SNX11: variants seen among roughly 807,000 people sequenced by gnomAD.
SNX11 encodes sorting nexin 11, also known as sorting nexin-11.
In SNX11, 19 loss-of-function variants were observed where a neutral mutation model predicts 30.7. The observed-to-expected ratio is 0.62, with a 90% confidence interval of 0.43 to 0.91. The LOEUF (loss-of-function observed/expected upper bound fraction) is 0.91, where lower values mean the gene tolerates loss of function less well. Ranked by LOEUF, SNX11 falls within the 40% of genes least tolerant of loss-of-function variation. SNX11 has a pLI of 0.00. For missense variants in SNX11, 302 were observed against 326.7 expected (o/e 0.92, Z 0.58); for synonymous variants, 112 against 119.0 (o/e 0.94, Z 0.38).
chr17:48,112,912 T>A (rs1029438990), intron 3 of SNX11: 4 of 275,782 alleles, frequency 1.5e-5, no homozygotes, highest in Non-Finnish European at 2.8e-5. Flanking sequence ...GAATATATAT[T>A]TTTTTAGTAG....
In SNX11 at chr17:48,119,134, C is replaced by A; in HGVS notation, c.487C>A (p.Gln163Lys). ...TGCTATGTCAAACTGTGGCTGGGCC[C>A]AGGAAGAGAGGCAGAGCTCTTCTCA... ...RYAMSNCGWAQEERQSSSHLA... is the reference protein window; with the variant it reads ...RYAMSNCGWAKEERQSSSHLA... The change falls in exon 6 of 7, where the codon CAG becomes AAG. Residue 163 changes from glutamine to lysine, a missense_variant. Physicochemically the swap from Gln to Lys is moderately conservative, Grantham distance 53. Transcript: ENST00000359238. The A allele has an allele frequency of 6.2e-7, 1 of 1,614,062 alleles. No homozygotes were observed. The highest frequency in any genetic ancestry group is 8.5e-7 in the Non-Finnish European group (1 of 1,180,010).
At chr17:48,118,925 C>A (rs202007095) in intron 5 of SNX11, 49 bp from the exon 6 acceptor site, 2 of 1,584,560 alleles carry the variant, frequency 1.3e-6, no homozygotes, top group Non-Finnish European at 1.7e-6. Flanking sequence ...GAATGGAGAG[C>A]AGTTCCTCAG....
intron 2 of SNX11, 179 bp from the exon 3 acceptor site, chr17:48,112,395 G>A: frequency 1.5e-6 from 1 of 665,208 alleles, no homozygotes; most frequent in Non-Finnish European, 2.7e-6. Context: ...ACGTAGTGGG[G>A]CTCAGTAAAA....
Position 48,123,247 on chromosome 17 carries a change from A to G in SNX11, c.*1739A>G, listed in dbSNP as rs2063616110. On this transcript the variant is annotated 3_prime_UTR_variant, in exon 7 of 7. Transcript: ENST00000359238. ...CATGTGCAACCCTCACAAAAACCCG[A>G]CAGATGCTAAGCTAATGGCATCCGC... Among the ~76,000 whole-genome samples the G allele has an allele frequency of 6.6e-6, 1 of 152,168 alleles. No individual in the cohort carries two copies. Among genetic ancestry groups the G allele is most frequent in the Non-Finnish European group, 1.5e-5 (1 of 68,030 alleles).
At chr17:48,112,327 G>T in intron 2 of SNX11, 1 of 626,464 alleles carries the variant, frequency 1.6e-6, no homozygotes, top group African/African-American at 1.8e-5. Context: ...CTTCATGGGG[G>T]CAGGCACTTA....
At chr17:48,120,178 T>C (rs2063583878) in intron 6 of SNX11, among the ~76,000 whole-genome samples, 1 of 151,866 alleles carries the variant, frequency 6.6e-6, no homozygotes, top group African/African-American at 2.4e-5. Context: ...ACATTTTGTT[T>C]ATCCATTCAC....
At chr17:48,111,916 G>A (rs2063496365) in intron 1 of SNX11, 115 bp from the exon 2 acceptor site, 1 of 758,376 alleles carries the variant, frequency 1.3e-6, no homozygotes, top group African/African-American at 1.8e-5. Context: ...AACAAAAAGT[G>A]TTGCCTGGGT....
rs368194150 is a variant in SNX11 at position 48,113,297 on chromosome 17, A to G, written c.130-4A>G. On this transcript the variant is annotated splice_region_variant and splice_polypyrimidine_tract_variant and intron_variant, in intron 3 of 6. Coordinates refer to ENST00000359238, the MANE Select transcript of SNX11 (RefSeq NM_013323.3). ...TCATGTACTTCATGTGCTTTCATGT[A>G]TAGACCAACAGCAAAGCCTTTACTG... is the stretch of plus-strand genomic sequence containing the variant. 11 of 1,611,818 alleles carry G rather than the reference A, an allele frequency of 6.8e-6. No homozygotes were observed. In the African/African-American group the frequency reaches 1.3e-4, roughly 20 times the overall value.
rs2063615999 is a variant in SNX11 at position 48,123,234 on chromosome 17, T to G, written c.*1726T>G. ...GGGAAAAAAACTCCATGTGCAACCC[T>G]CACAAAAACCCGACAGATGCTAAGC... is the stretch of plus-strand genomic sequence containing the variant. On this transcript the variant is annotated 3_prime_UTR_variant, in exon 7 of 7. Coordinates refer to ENST00000359238, the MANE Select transcript of SNX11 (RefSeq NM_013323.3). Among the ~76,000 whole-genome samples the G allele has an allele frequency of 1.3e-5, 2 of 152,104 alleles. No homozygotes were observed.
At chr17:48,109,304 G>T (rs1448377463) in intron 1 of SNX11, among the ~76,000 whole-genome samples, 1 of 148,038 alleles carries the variant, frequency 6.8e-6, no homozygotes, top group Non-Finnish European at 1.5e-5. Flanking sequence ...TCTGTTGCCA[G>T]GATGGAGTGC....
In SNX11 at chr17:48,118,970, C is replaced by T; in HGVS notation, c.327-4C>T. 6.2e-7 allele frequency: 1 copy of T among 1,613,704 alleles called. No individual in the cohort carries two copies. Among genetic ancestry groups the T allele is most frequent in the Middle Eastern group, 1.7e-4 (1 of 5,964 alleles). On this transcript the variant is annotated splice_polypyrimidine_tract_variant and splice_region_variant and intron_variant, in intron 5 of 6. Transcript: ENST00000359238. ...CTGTGTTGTGCTACCTGTGTTTTTC[C>T]CAGGGTCCTGCAGAGTGTGGTTCTC...
rs2063616460 is a variant in SNX11, at chr17:48,123,309, G to A, written c.*1801G>A. Among the ~76,000 whole-genome samples, 1 of 152,152 alleles carries A rather than the reference G, an allele frequency of 6.6e-6. No individual in the cohort carries two copies. The highest frequency in any genetic ancestry group is 2.4e-5 in the African/African-American group (1 of 41,446). ...GTGGGGATGGCTCATGAATATTAAT[G>A]AGCCCAATGCTCCAAATGGTGCAGC... is the stretch of plus-strand genomic sequence containing the variant. On this transcript the variant is annotated 3_prime_UTR_variant, in exon 7 of 7. Coordinates refer to ENST00000359238, the MANE Select transcript of SNX11 (RefSeq NM_013323.3).
intron 1 of SNX11, chr17:48,111,075 G>A (rs953841950): frequency 1.4e-4 from 139 of 985,118 alleles, no homozygotes; most frequent in Non-Finnish European, 1.6e-4. Flanking sequence ...GACCTGTGCA[G>A]CTGTGGGGTG....
intron 4 of SNX11, among the ~76,000 whole-genome samples, chr17:48,117,023 C>T (rs1381088384): frequency 1.3e-5 from 2 of 151,806 alleles, no homozygotes; most frequent in Non-Finnish European, 2.9e-5. Context: ...AGGGGTGCAC[C>T]ACCATGCCCT....
At chr17:48,110,363 T>C (rs1008104100) in intron 1 of SNX11, among the ~76,000 whole-genome samples, 1 of 152,184 alleles carries the variant, frequency 6.6e-6, no homozygotes, top group Admixed American at 6.5e-5. Flanking sequence ...TGCTCAATAT[T>C]GTGTAGCCCA....
chr17:48,120,116 T>C (rs1048211036), intron 6 of SNX11, among the ~76,000 whole-genome samples: 2 of 152,184 alleles, frequency 1.3e-5, no homozygotes, highest in Non-Finnish European at 2.9e-5. Flanking sequence ...TTCTCTTTTT[T>C]TCCCCCATTT....
Position 48,122,185 on chromosome 17 carries a change from G to T in SNX11, c.*677G>T, listed in dbSNP as rs1879175683. ...GAGAAGTGGCTGGCCACAGCCAGAG[G>T]GAACAGTAACAGCCCAGGGGCCTTT... On this transcript the variant is annotated 3_prime_UTR_variant, in exon 7 of 7. Transcript: ENST00000359238. 1 of 153,888 alleles carries T rather than the reference G, an allele frequency of 6.5e-6. No homozygotes were observed. The highest frequency in any genetic ancestry group is 2.1e-4 in the South Asian group (1 of 4,828). 9.5% of individuals were successfully genotyped at this position (153,888 alleles called of 1,614,324 possible). A position where few individuals can be genotyped will look rare whatever the true frequency, so the allele number is the denominator to read the frequency against.
intron 6 of SNX11, 46 bp from the exon 7 acceptor site, chr17:48,121,189 C>T: frequency 6.2e-7 from 1 of 1,600,616 alleles, no homozygotes; most frequent in Non-Finnish European, 8.5e-7. Context: ...CCCTATGTTA[C>T]CCAAGCTGTT....
At chr17:48,112,352 GCTTTATC>G (rs1479763085) in intron 2 of SNX11, 1 of 632,120 alleles carries the variant, frequency 1.6e-6, no homozygotes, top group African/African-American at 1.8e-5. Context: ...TCTTGTTCAT[GCTTTATC>G]CCCAGTGCCT....
Sources: gnomAD v4.1 joint callset for allele counts (sites outside exome capture counted in the v4.1 genomes callset) on GRCh38, gnomAD v4.1.1 for gene constraint, MANE v1.5 for transcripts, NCBI Gene and HGNC (gene_info 2026-07-23, HGNC 2026-07-21) for gene names.